KIF13B: variants seen among roughly 807,000 people sequenced by gnomAD.
The protein encoded by KIF13B is kinesin family member 13B.
KIF13B carries 127 observed loss-of-function variants against 222.0 expected under a neutral mutation model. That is an observed-to-expected ratio of 0.57 (90% CI 0.50 to 0.66). The LOEUF is 0.66. Ranked by LOEUF, KIF13B falls within the 30% of genes least tolerant of loss-of-function variation. The pLI is 0.00. For synonymous variants in KIF13B, 976 were observed against 919.0 expected (o/e 1.06, Z -1.12); for missense variants, 2,173 against 2,379.0 (o/e 0.91, Z 1.80).
chr8:29,204,539 A>T (rs557198626), intron 2 of KIF13B, among the ~76,000 whole-genome samples: 29 of 152,374 alleles, frequency 1.9e-4, no homozygotes, highest in African/African-American at 6.7e-4. Flanking sequence ...CCCCATCTCT[A>T]TAAAAATTTT....
intron 12 of KIF13B, among the ~76,000 whole-genome samples, chr8:29,161,417 T>C (rs1811767813): frequency 6.6e-6 from 1 of 152,168 alleles, no homozygotes; most frequent in African/African-American, 2.4e-5. Flanking sequence ...CTAAGAATGT[T>C]CTCTGGGCTG....
chr8:29,087,116 G>A (rs1391810279), intron 37 of KIF13B, among the ~76,000 whole-genome samples: 1 of 152,208 alleles, frequency 6.6e-6, no homozygotes, highest in African/African-American at 2.4e-5. Flanking sequence ...GGATGGCCCT[G>A]GCTGCAGGGC....
rs539098522 is a variant in KIF13B, at chr8:29,116,746, G to A, written c.3837+85C>T. On this transcript the variant is annotated intron_variant, in intron 31 of 39. Coordinates refer to ENST00000524189, the MANE Select transcript of KIF13B (RefSeq NM_015254.4). ...CTCAGTGCTTCCGGGAGCCTGTTTG[G>A]ACAGAAGGTTAACAGCAAGCACTGC... is the stretch of plus-strand genomic sequence containing the variant. The A allele has an allele frequency of 1.2e-4, 162 of 1,302,710 alleles. No individual in the cohort carries two copies. The South Asian group carries it at 2.3e-3, about 19-fold the overall frequency. 80.7% of individuals were successfully genotyped at this position (1,302,710 alleles called of 1,614,324 possible). A position where few individuals can be genotyped will look rare whatever the true frequency, so the allele number is the denominator to read the frequency against.
At chr8:29,101,014 T>C (rs577586258) in intron 35 of KIF13B, among the ~76,000 whole-genome samples, 6 of 152,248 alleles carry the variant, frequency 3.9e-5, no homozygotes, top group African/African-American at 1.4e-4. Context: ...ATGGTCAGGA[T>C]TGATTAGGAA....
At position 29,127,266 on chromosome 8, in the gene KIF13B, C is replaced by A; in HGVS notation, c.3078G>T (p.Gly1026=). The change falls in exon 25 of 40, where the codon GGG becomes GGT. Residue 1026 remains glycine, a splice_region_variant and synonymous_variant. Transcript: ENST00000524189. The part of the protein sequence containing the change: ...PTGGIFQLRQ[G]QSRRVQVEVK... Reference sequence around the variant, plus strand: ...CTTCGACTTGAACTCTCCGGGACTGCCCCTGGGTCACAGACAATTTAGAGT... The same window carrying A: ...CTTCGACTTGAACTCTCCGGGACTGACCCTGGGTCACAGACAATTTAGAGT... 2 of 1,612,252 alleles carry A rather than the reference C, an allele frequency of 1.2e-6. No individual in the cohort carries two copies. Among genetic ancestry groups the A allele is most frequent in the South Asian group, 1.1e-5 (1 of 90,860 alleles).
At chr8:29,191,899 A>G (rs762548401) in intron 3 of KIF13B, among the ~76,000 whole-genome samples, 1 of 152,190 alleles carries the variant, frequency 6.6e-6, no homozygotes, top group Non-Finnish European at 1.5e-5. Flanking sequence ...TTTTAAGTGC[A>G]ATTGTTTTAA....
chr8:29,183,341 AG>A (rs1812797892), intron 6 of KIF13B, among the ~76,000 whole-genome samples: 1 of 151,922 alleles, frequency 6.6e-6, no homozygotes, highest in Admixed American at 6.6e-5. Context: ...TAGTAGACAC[AG>A]GGTTTTGCCA....
At chr8:29,169,798 A>T (rs1291778442) in intron 10 of KIF13B, among the ~76,000 whole-genome samples, 1 of 152,248 alleles carries the variant, frequency 6.6e-6, no homozygotes, top group African/African-American at 2.4e-5. Context: ...CAAATGTGAT[A>T]TAACGAAAGC....
rs1232877476 is a variant in KIF13B, at chr8:29,070,181, A to G, written c.*323T>C. 1 of 403,260 alleles carries G rather than the reference A, an allele frequency of 2.5e-6. No individual in the cohort carries two copies. 25.0% of individuals were successfully genotyped at this position (403,260 alleles called of 1,614,324 possible). Reference sequence around the variant, plus strand: ...TGGAAATGATAGAAAGAGCAACATAAGGCCCCAGGCACAGGCACACAGCAA... The same window carrying G: ...TGGAAATGATAGAAAGAGCAACATAGGGCCCCAGGCACAGGCACACAGCAA... On this transcript the variant is annotated 3_prime_UTR_variant, in exon 40 of 40. Coordinates refer to ENST00000524189, the MANE Select transcript of KIF13B (RefSeq NM_015254.4). The surrounding 1 kb of genome is among the most constrained non-coding windows in gnomAD (Gnocchi z 4.1).
chr8:29,088,135 G>A (rs1042879112), intron 37 of KIF13B, among the ~76,000 whole-genome samples: 11 of 151,528 alleles, frequency 7.3e-5, no homozygotes, highest in South Asian at 2.1e-4. Flanking sequence ...GCATGGTGGC[G>A]GGCGCCTGTA....
At chr8:29,129,070 G>A (rs946113761) in intron 24 of KIF13B, among the ~76,000 whole-genome samples, 2 of 151,966 alleles carry the variant, frequency 1.3e-5, no homozygotes, top group African/African-American at 4.8e-5. Flanking sequence ...TGAAAATTGC[G>A]GTTTTTGCCA....
intron 25 of KIF13B, 70 bp downstream of exon 25, chr8:29,127,052 T>G (rs1810143825): frequency 7.0e-7 from 1 of 1,432,970 alleles, no homozygotes; most frequent in Non-Finnish European, 9.6e-7. Flanking sequence ...AGTAGTTTCG[T>G]ACGGGTTCCA....
intron 38 of KIF13B, among the ~76,000 whole-genome samples, chr8:29,073,896 A>G (rs1463896485): frequency 6.6e-6 from 1 of 152,254 alleles, no homozygotes; most frequent in Non-Finnish European, 1.5e-5. Context: ...ACTCAATCCA[A>G]TAGATCAATA....
chr8:29,245,433 TC>T lies in KIF13B; in HGVS notation c.61del (p.Asp21ThrfsTer20). The T allele has an allele frequency of 6.3e-7, 1 of 1,590,382 alleles. No homozygotes were observed. The highest frequency in any genetic ancestry group is 8.6e-7 in the Non-Finnish European group (1 of 1,166,026). The stretch of plus-strand genomic sequence containing the variant: ...ATCCACCACACATTTGGTATGCAAG[TC>T]AGTCTCTGTGGATAAAAAAACAAGA... ...RIRPMNRRETDLHTKCVVDVD... is the reference protein window; with the variant it reads ...RIRPMNRRETXLHTKCVVDVD... On this transcript the variant is annotated frameshift_variant, in exon 2 of 40. Transcript: ENST00000524189. LOFTEE classifies it high-confidence loss of function.
At chr8:29,181,117 C>T (rs1369403561) in intron 7 of KIF13B, among the ~76,000 whole-genome samples, 1 of 152,148 alleles carries the variant, frequency 6.6e-6, no homozygotes. Flanking sequence ...AATTAAAATA[C>T]GCCATCTGGG....
At chr8:29,093,268 T>A (rs1166841287) in intron 36 of KIF13B, among the ~76,000 whole-genome samples, 1 of 152,224 alleles carries the variant, frequency 6.6e-6, no homozygotes, top group Non-Finnish European at 1.5e-5. Flanking sequence ...CTTTAAGCTC[T>A]TTGAAGTCAG....
At chr8:29,113,890 C>A (rs938612003) in intron 31 of KIF13B, among the ~76,000 whole-genome samples, 1 of 152,154 alleles carries the variant, frequency 6.6e-6, no homozygotes, top group Admixed American at 6.5e-5. Context: ...AATAAAATGA[C>A]CTTCTAACTA....
intron 29 of KIF13B, 93 bp from the exon 30 acceptor site, chr8:29,119,085 C>T (rs1809737369): frequency 7.6e-7 from 1 of 1,312,322 alleles, no homozygotes; most frequent in Admixed American, 2.2e-5. Context: ...AATTCTTCTG[C>T]TTCAAATTTC....
intron 2 of KIF13B, among the ~76,000 whole-genome samples, chr8:29,239,102 G>A (rs1815644805): frequency 6.6e-6 from 1 of 152,160 alleles, no homozygotes; most frequent in Non-Finnish European, 1.5e-5. Context: ...CTAGGCTGAT[G>A]TCTTTAGCAC....
Sources: gnomAD v4.1 joint callset for allele counts (sites outside exome capture counted in the v4.1 genomes callset) on GRCh38, gnomAD v4.1.1 for gene constraint, Gnocchi (gnomAD v3.1) non-coding constraint, MANE v1.5 for transcripts, NCBI Gene and HGNC (gene_info 2026-07-23, HGNC 2026-07-21) for gene names.